FHIP1A: variants seen among roughly 807,000 people sequenced by gnomAD.
FHIP1A encodes FHF complex subunit HOOK interacting protein 1A, also known as FHF complex subunit HOOK-interacting protein 1A.
A neutral mutation model predicts 88.6 loss-of-function variants in FHIP1A; 61 were observed. That is an observed-to-expected ratio of 0.69 (90% CI 0.56 to 0.85). The LOEUF (loss-of-function observed/expected upper bound fraction) is 0.85. Among genes scored for constraint, FHIP1A ranks in the 40% least tolerant of loss-of-function variants. The pLI, the probability that FHIP1A is intolerant of heterozygous loss-of-function variation, is 0.00. For synonymous variants in FHIP1A, 478 were observed against 496.0 expected (o/e 0.96, Z 0.48); for missense variants, 1,154 against 1,273.5 (o/e 0.91, Z 1.43).
At chr4:151,627,960 T>C (rs12504273) in intron 7 of FHIP1A, among the ~76,000 whole-genome samples, 12,694 of 152,196 alleles carry the variant, frequency 0.083, 650 homozygotes, top group Non-Finnish European at 0.12. Context: ...GAGTGCTTCA[T>C]ATATGGGACT....
chr4:151,658,733 C>G (rs1737343754), intron 13 of FHIP1A, among the ~76,000 whole-genome samples: 1 of 152,118 alleles, frequency 6.6e-6, no homozygotes, highest in Non-Finnish European at 1.5e-5. Context: ...AAGGCCTGGT[C>G]TTCATTGTAT....
chr4:151,425,783 G>GCAC (rs1561489504), intron 1 of FHIP1A, among the ~76,000 whole-genome samples: 1 of 151,648 alleles, frequency 6.6e-6, no homozygotes, highest in African/African-American at 2.4e-5. Context: ...GCTTGTGGCT[G>GCAC]CATCTCTCTG....
At chr4:151,528,236 G>A (rs1252477814) in intron 3 of FHIP1A, among the ~76,000 whole-genome samples, 3 of 152,188 alleles carry the variant, frequency 2.0e-5, no homozygotes, top group Non-Finnish European at 4.4e-5. Flanking sequence ...GCCTTGGCCT[G>A]TTAGAGTACC....
chr4:151,411,934 T>TTTATAGGGATCTCTTAATG (rs1732664971), intron 1 of FHIP1A, among the ~76,000 whole-genome samples: 1 of 152,174 alleles, frequency 6.6e-6, no homozygotes, highest in Admixed American at 6.5e-5. Flanking sequence ...AGGAACTTCA[T>TTTATAGGGATCTCTTAATG]TTATAGGGAT....
intron 9 of FHIP1A, among the ~76,000 whole-genome samples, chr4:151,641,171 G>T (rs562192580): frequency 6.6e-6 from 1 of 152,142 alleles, no homozygotes; most frequent in Admixed American, 6.5e-5. Context: ...TAATATAGTT[G>T]CTCTTAATTG....
chr4:151,604,570 C>T lies in FHIP1A; in HGVS notation c.978+15644C>T, dbSNP rs189784385. Among the ~76,000 whole-genome samples the T allele has an allele frequency of 3.2e-3, 491 of 152,108 alleles. 1 individual carries two copies. Among genetic ancestry groups the T allele is most frequent in the African/African-American group, 7.0e-3 (292 of 41,504 alleles). On this transcript the variant is annotated intron_variant, in intron 7 of 13. Coordinates refer to ENST00000435205, the MANE Select transcript of FHIP1A (RefSeq NM_001109977.3). ...CCAATTTAAAAATGAATTTTTGGGC[C>T]GGGCATGGTGGCTCACGCCTGTAAT...
intron 1 of FHIP1A, among the ~76,000 whole-genome samples, chr4:151,418,194 A>AAC (rs1561486652): frequency 6.6e-6 from 1 of 151,140 alleles, no homozygotes; most frequent in Admixed American, 6.6e-5. Context: ...AAAAAAAAAA[A>AAC]ACAAGAGAAA....
intron 7 of FHIP1A, among the ~76,000 whole-genome samples, chr4:151,598,278 T>C (rs1734727480): frequency 6.6e-6 from 1 of 152,258 alleles, no homozygotes; most frequent in African/African-American, 2.4e-5. Context: ...TTCCCTTGGC[T>C]AGGGGAGCGA....
intron 5 of FHIP1A, among the ~76,000 whole-genome samples, chr4:151,585,173 G>A (rs1246724370): frequency 6.6e-6 from 1 of 151,662 alleles, no homozygotes; most frequent in African/African-American, 2.4e-5. Context: ...AAAGCCTTTT[G>A]TAGCTGGCTT....
At chr4:151,658,972 T>TA (rs759229271) in intron 13 of FHIP1A, among the ~76,000 whole-genome samples, 9 of 152,172 alleles carry the variant, frequency 5.9e-5, no homozygotes, top group Admixed American at 2.0e-4. Context: ...GTGCACTAGA[T>TA]ACTCAGGGTA....
chr4:151,622,038 T>G (rs1735766460), intron 7 of FHIP1A, among the ~76,000 whole-genome samples: 1 of 152,228 alleles, frequency 6.6e-6, no homozygotes, highest in Non-Finnish European at 1.5e-5. Flanking sequence ...ACACATTTAT[T>G]GATTACTCTG....
intron 3 of FHIP1A, among the ~76,000 whole-genome samples, chr4:151,511,629 T>G (rs1731035298): frequency 6.6e-6 from 1 of 152,274 alleles, no homozygotes; most frequent in South Asian, 2.1e-4. Flanking sequence ...CACCAGGAGA[T>G]TATATCCCGC....
chr4:151,578,004 C>G lies in FHIP1A; in HGVS notation c.660C>G (p.Leu220=). 6.4e-7 allele frequency: 1 copy of G among 1,551,238 alleles called. No homozygotes were observed. The highest frequency in any genetic ancestry group is 8.7e-7 in the Non-Finnish European group (1 of 1,146,884). Residue 220 remains leucine (L), a synonymous_variant, in exon 5 of 14, where the codon CTC becomes CTG. Coordinates refer to ENST00000435205, the MANE Select transcript of FHIP1A (RefSeq NM_001109977.3). ...GCCAGCAAGCTCGGGATGCATTGCT[C>G]TTCATCATGTCTCTTTCTGCTGAGA... The part of the protein sequence containing the change: ...SVGQQARDAL[L]FIMSLSAENT...
intron 3 of FHIP1A, among the ~76,000 whole-genome samples, chr4:151,506,823 C>T (rs1455294172): frequency 6.6e-6 from 1 of 152,032 alleles, no homozygotes; most frequent in Non-Finnish European, 1.5e-5. Flanking sequence ...TCAAAGAGTG[C>T]TGAATTAACA....
intron 3 of FHIP1A, among the ~76,000 whole-genome samples, chr4:151,546,044 G>C (rs1290154492): frequency 1.3e-5 from 2 of 152,172 alleles, no homozygotes; most frequent in East Asian, 3.8e-4. Flanking sequence ...GTATGTGGGT[G>C]GGTGGGCAGA....
intron 7 of FHIP1A, among the ~76,000 whole-genome samples, chr4:151,623,886 A>T (rs1735846498): frequency 1.3e-5 from 2 of 152,206 alleles, no homozygotes; most frequent in Non-Finnish European, 2.9e-5. Flanking sequence ...CTGCAAGGCT[A>T]ACATAACTTC....
intron 3 of FHIP1A, among the ~76,000 whole-genome samples, chr4:151,513,443 C>T (rs1731109669): frequency 6.6e-6 from 1 of 152,204 alleles, no homozygotes; most frequent in Non-Finnish European, 1.5e-5. Flanking sequence ...ATCAAATTCA[C>T]ATATAACTAT....
At chr4:151,637,444 A>G (rs1445129051) in intron 8 of FHIP1A, among the ~76,000 whole-genome samples, 4 of 152,012 alleles carry the variant, frequency 2.6e-5, no homozygotes, top group Non-Finnish European at 5.9e-5. Context: ...AGAATAAACA[A>G]CTCCTACAAC....
At chr4:151,520,707 G>C (rs1233475146) in intron 3 of FHIP1A, among the ~76,000 whole-genome samples, 1 of 152,104 alleles carries the variant, frequency 6.6e-6, no homozygotes, top group Non-Finnish European at 1.5e-5. Flanking sequence ...CTATTAACAA[G>C]AAGGTAGAGT....
Sources: gnomAD v4.1 joint callset for allele counts (sites outside exome capture counted in the v4.1 genomes callset) on GRCh38, gnomAD v4.1.1 for gene constraint, MANE v1.5 for transcripts, NCBI Gene and HGNC (gene_info 2026-07-23, HGNC 2026-07-21) for gene names.